NUMB: variants seen among roughly 807,000 people sequenced by gnomAD.
NUMB encodes the protein NUMB endocytic adaptor protein, also known as protein numb homolog.
A neutral mutation model predicts 59.7 loss-of-function variants in NUMB; 29 were observed. That is an observed-to-expected ratio of 0.49 (90% CI 0.36 to 0.66). The LOEUF (loss-of-function observed/expected upper bound fraction) is 0.66. NUMB is among the 30% of genes least tolerant of loss of function. The pLI is 0.00. For synonymous variants in NUMB, 288 were observed against 288.2 expected (o/e 1.00, Z 0.01); for missense variants, 723 against 822.0 (o/e 0.88, Z 1.47).
In NUMB at chr14:73,276,709, C is replaced by G. The variant is rs1385067493; in HGVS notation, c.1825G>C (p.Gly609Arg). 3.1e-6 allele frequency: 5 copies of G among 1,614,204 alleles called. No individual in the cohort carries two copies. The Admixed American group carries it at 6.7e-5, about 22-fold the overall frequency. ...TCAAAAGGATCCACTGGGCAGGTGCCTGTAGGAACCTCTGTATGCCTGTCT... is the reference window on the plus strand; with the variant it reads ...TCAAAAGGATCCACTGGGCAGGTGCGTGTAGGAACCTCTGTATGCCTGTCT... ...SADRHTEVPT[G>R]TCPVDPFEAQ... Residue 609 changes from glycine to arginine, a missense_variant, in exon 13 of 13, where the codon GGC (glycine) becomes CGC (arginine). Gly to Arg is a moderately radical substitution (Grantham distance 125, BLOSUM62 -2). Around this residue, in one of 2 missense-constraint regions of NUMB, gnomAD observed 406 missense variants for 385.4 expected, o/e 1.05. Coordinates refer to ENST00000555238, the MANE Select transcript of NUMB (RefSeq NM_001005743.2).
chr14:73,276,470 G>A lies in NUMB; in HGVS notation c.*108C>T. 1.2e-6 allele frequency: 1 copy of A among 808,154 alleles called. No homozygotes were observed. The highest frequency in any genetic ancestry group is 1.9e-6 in the Non-Finnish European group (1 of 514,474). The allele number at this position is 808,154 out of a possible 1,614,324, so 50.1% of individuals were successfully genotyped here. A position where few individuals can be genotyped will look rare whatever the true frequency, so the allele number is the denominator to read the frequency against. On this transcript the variant is annotated 3_prime_UTR_variant, in exon 13 of 13. Transcript: ENST00000555238. ...TGGACTTGTTCCTTGGGACCTTTGG[G>A]ATTAGTGAAAAGAGTACTAATCAGG...
In NUMB at chr14:73,277,219, CAGAG is replaced by C. The variant is rs1314829012; in HGVS notation, c.1311_1314del (p.Ser438ArgfsTer6). 3 of 1,614,016 alleles carry C rather than the reference CAGAG, an allele frequency of 1.9e-6. No homozygotes were observed. The highest frequency in any genetic ancestry group is 1.7e-6 in the Non-Finnish European group (2 of 1,180,000). ...ACCTCTTCTAACCATCGGTCGGCCT[CAGAG>C]GGAGTACGTCTATGACCGGCCTGGA... On this transcript the variant is annotated frameshift_variant, in exon 13 of 13. Coordinates refer to ENST00000555238, the MANE Select transcript of NUMB (RefSeq NM_001005743.2). LOFTEE classifies it high-confidence loss of function.
intron 8 of NUMB, among the ~76,000 whole-genome samples, chr14:73,291,909 C>G (rs931857456): frequency 2.0e-5 from 3 of 151,954 alleles, no homozygotes; most frequent in African/African-American, 7.3e-5. Context: ...TGGTCTTGAA[C>G]TCCTGACCTC....
intron 2 of NUMB, among the ~76,000 whole-genome samples, chr14:73,401,234 GTTTGA>G (rs1279443525): frequency 5.3e-5 from 8 of 152,170 alleles, no homozygotes; most frequent in Non-Finnish European, 8.8e-5. Context: ...GTTTGTATTG[GTTTGA>G]TTTTTCTTAT....
At chr14:73,318,629 AGCTGATAT>A (rs751846181) in intron 5 of NUMB, among the ~76,000 whole-genome samples, 1 of 152,206 alleles carries the variant, frequency 6.6e-6, no homozygotes, top group Non-Finnish European at 1.5e-5. Context: ...CTCACCCTGT[AGCTGATAT>A]GCCATAAAGG....
Position 73,406,099 on chromosome 14 carries a change from T to G in NUMB, c.-101+3838A>C, listed in dbSNP as rs200017267. Among the ~76,000 whole-genome samples the G allele has an allele frequency of 2.7e-4, 25 of 93,556 alleles. No individual in the cohort carries two copies. In the East Asian group the frequency reaches 6.1e-3, roughly 23 times the overall value. The allele number at this position is 93,556 out of a possible 152,430, so 61.4% of individuals were successfully genotyped here. On this transcript the variant is annotated intron_variant, in intron 2 of 12. Coordinates refer to ENST00000555238, the MANE Select transcript of NUMB (RefSeq NM_001005743.2). ...GAATATTAACATATTTTTGTTTTTTTTTTTTTTTATTATACTTTAAGTTCT... is the reference window on the plus strand; with the variant it reads ...GAATATTAACATATTTTTGTTTTTTGTTTTTTTTATTATACTTTAAGTTCT...
At chr14:73,340,098 G>A (rs1387983391) in intron 4 of NUMB, among the ~76,000 whole-genome samples, 1 of 152,212 alleles carries the variant, frequency 6.6e-6, no homozygotes, top group African/African-American at 2.4e-5. Context: ...GAGGCCAAAT[G>A]TTATAGAAGT....
At chr14:73,330,078 A>C (rs1411154390) in intron 4 of NUMB, among the ~76,000 whole-genome samples, 1 of 152,098 alleles carries the variant, frequency 6.6e-6, no homozygotes, top group Non-Finnish European at 1.5e-5. Context: ...TTGCTTTGTC[A>C]CCCAGGCTGG....
intron 1 of NUMB, among the ~76,000 whole-genome samples, chr14:73,445,798 T>C (rs1883453622): frequency 6.6e-6 from 1 of 152,118 alleles, no homozygotes; most frequent in African/African-American, 2.4e-5. Flanking sequence ...TGAAGGTGAA[T>C]TCAGGCAATT....
At chr14:73,425,734 A>G (rs867655072) in intron 1 of NUMB, among the ~76,000 whole-genome samples, 1 of 152,160 alleles carries the variant, frequency 6.6e-6, no homozygotes, top group African/African-American at 2.4e-5. Context: ...ATAAATGTGT[A>G]TAAGTGTGTA....
chr14:73,330,563 T>A (rs1404962337), intron 4 of NUMB, among the ~76,000 whole-genome samples: 1 of 152,186 alleles, frequency 6.6e-6, no homozygotes, highest in Non-Finnish European at 1.5e-5. Flanking sequence ...GTGTCTCAAT[T>A]TCCTCATCTT....
chr14:73,367,348 T>TATATATAGAGAGAGAGAGAGAGAG (rs1555375287), intron 2 of NUMB, among the ~76,000 whole-genome samples: 60 of 105,310 alleles, frequency 5.7e-4, no homozygotes, highest in Non-Finnish European at 7.7e-4. Flanking sequence ...TATATATATA[T>TATATATAGAGAGAGAGAGAGAGAG]AGAGAGAGAG....
intron 2 of NUMB, among the ~76,000 whole-genome samples, chr14:73,372,466 T>G (rs1894759454): frequency 6.8e-6 from 1 of 147,910 alleles, no homozygotes; most frequent in South Asian, 2.1e-4. Flanking sequence ...TATGTGTATT[T>G]ATATTTATAC....
intron 1 of NUMB, among the ~76,000 whole-genome samples, chr14:73,430,836 T>G (rs1325168861): frequency 1.3e-5 from 2 of 150,794 alleles, no homozygotes; most frequent in East Asian, 3.9e-4. Context: ...TCCCAGCTAC[T>G]GGGAAGGCTG....
intron 1 of NUMB, among the ~76,000 whole-genome samples, chr14:73,438,803 G>A (rs1194235533): frequency 1.3e-5 from 2 of 151,902 alleles, no homozygotes; most frequent in African/African-American, 4.8e-5. Context: ...AATGAATTAG[G>A]GGCCAACATC....
At chr14:73,458,065 A>C in intron 1 of NUMB, 1 of 133,492 alleles carries the variant, frequency 7.5e-6, no homozygotes, top group Non-Finnish European at 1.6e-5. Flanking sequence ...CCTGGCACCC[A>C]AGCCGTCCTG....
chr14:73,390,791 AG>A (rs1895813702), intron 2 of NUMB, among the ~76,000 whole-genome samples: 1 of 151,600 alleles, frequency 6.6e-6, no homozygotes, highest in African/African-American at 2.4e-5. Context: ...CTGGGATTAC[AG>A]ACACATGCCA....
rs755534607 is a variant in NUMB, at chr14:73,284,076, A to G, written c.949+5T>C. On this transcript the variant is annotated splice_donor_5th_base_variant and intron_variant, in intron 10 of 12. Coordinates refer to ENST00000555238, the MANE Select transcript of NUMB (RefSeq NM_001005743.2). ...ACCCAGTGAGTCAGGTAGATGCTAC[A>G]TTACCTGCATTTTTAATGGGGAAAT... is the stretch of plus-strand genomic sequence containing the variant. 1 of 1,613,278 alleles carries G rather than the reference A, an allele frequency of 6.2e-7. No homozygotes were observed. Among genetic ancestry groups the G allele is most frequent in the Non-Finnish European group, 8.5e-7 (1 of 1,179,224 alleles).
At chr14:73,405,965 G>A (rs980488938) in intron 2 of NUMB, among the ~76,000 whole-genome samples, 4 of 152,048 alleles carry the variant, frequency 2.6e-5, no homozygotes, top group African/African-American at 9.7e-5. Context: ...CCAATGGGTG[G>A]AACACTTGTG....
Sources: gnomAD v4.1 joint callset for allele counts (sites outside exome capture counted in the v4.1 genomes callset) on GRCh38, gnomAD v4.1.1 for gene constraint, gnomAD v4.1.1 regional missense constraint, MANE v1.5 for transcripts, NCBI Gene and HGNC (gene_info 2026-07-23, HGNC 2026-07-21) for gene names.